The following AGBL4 variants were observed in gnomAD, a reference collection of about 807,000 sequenced individuals.
AGBL4 encodes cytosolic carboxypeptidase 6.
AGBL4 carries 58 observed loss-of-function variants against 66.4 expected under a neutral mutation model. The ratio of observed to expected loss-of-function variants is 0.87; its 90% CI spans 0.71 to 1.09. The LOEUF (loss-of-function observed/expected upper bound fraction) is 1.09, where lower values mean the gene tolerates loss of function less well. Among genes scored for constraint, AGBL4 ranks in the 50% least tolerant of loss-of-function variants. The pLI is 0.00. For synonymous variants in AGBL4, 234 were observed against 222.9 expected, an observed-to-expected ratio of 1.05 and a Z score of -0.44; for missense variants, 579 against 631.0, an observed-to-expected ratio of 0.92 and a Z score of 0.88.
intron 6 of AGBL4, among the ~76,000 whole-genome samples, chr1:48,755,688 C>A (rs1280710468): frequency 6.6e-6 from 1 of 152,128 alleles, no homozygotes; most frequent in Non-Finnish European, 1.5e-5. Context: ...AAGGGGATAT[C>A]TTACCAGACT....
chr1:48,692,655 T>C, intron 6 of AGBL4, among the ~76,000 whole-genome samples: 1 of 152,202 alleles, frequency 6.6e-6, no homozygotes, highest in South Asian at 2.1e-4. Context: ...TCAGCTTCAG[T>C]CAGCTTGTCT....
chr1:49,602,147 C>A (rs575039263), intron 3 of AGBL4, among the ~76,000 whole-genome samples: 1 of 152,206 alleles, frequency 6.6e-6, no homozygotes, highest in Admixed American at 6.5e-5. Flanking sequence ...CAATGAGATA[C>A]CATCTCATGC....
chr1:49,193,521 G>C (rs1181887534), intron 4 of AGBL4, among the ~76,000 whole-genome samples: 1 of 150,540 alleles, frequency 6.6e-6, no homozygotes, highest in Non-Finnish European at 1.5e-5. Flanking sequence ...AGTTCTTCTT[G>C]GTATTGATTT....
chr1:49,046,906 C>G (rs1410386664), intron 4 of AGBL4, among the ~76,000 whole-genome samples: 1 of 152,112 alleles, frequency 6.6e-6, no homozygotes, highest in East Asian at 1.9e-4. Flanking sequence ...AGTGGCTTGG[C>G]ATTCAATTGA....
chr1:49,159,893 G>C (rs181075988), intron 4 of AGBL4, among the ~76,000 whole-genome samples: 2 of 152,228 alleles, frequency 1.3e-5, no homozygotes, highest in Admixed American at 1.3e-4. Context: ...AAGTTATCAT[G>C]CTGTGTTTTT....
chr1:49,181,082 G>A, intron 4 of AGBL4, among the ~76,000 whole-genome samples: 1 of 152,106 alleles, frequency 6.6e-6, no homozygotes, highest in Non-Finnish European at 1.5e-5. Flanking sequence ...AGTCATGGTG[G>A]AGGCAGGGAG....
chr1:49,916,691 C>T (rs1170637462), intron 1 of AGBL4, among the ~76,000 whole-genome samples: 2 of 152,186 alleles, frequency 1.3e-5, no homozygotes, highest in Non-Finnish European at 2.9e-5. Context: ...CTTCCCCAAC[C>T]TAGCAAGGCA....
At chr1:49,854,827 G>A (rs558696327) in intron 1 of AGBL4, among the ~76,000 whole-genome samples, 2 of 152,188 alleles carry the variant, frequency 1.3e-5, no homozygotes, top group African/African-American at 4.8e-5. Flanking sequence ...ACAGTTCCCA[G>A]AGCCTGAAAA....
At chr1:48,898,948 C>G (rs1651811648) in intron 5 of AGBL4, among the ~76,000 whole-genome samples, 1 of 152,224 alleles carries the variant, frequency 6.6e-6, no homozygotes, top group African/African-American at 2.4e-5. Flanking sequence ...AGGGAGCGCC[C>G]ATGGTACCTC....
chr1:48,764,989 C>T (rs1190007000), intron 6 of AGBL4, among the ~76,000 whole-genome samples: 1 of 152,158 alleles, frequency 6.6e-6, no homozygotes. Flanking sequence ...ATTCCCCCAC[C>T]AGCTATACTC....
chr1:49,961,263 CT>C (rs1657098483), intron 1 of AGBL4, among the ~76,000 whole-genome samples: 1 of 152,062 alleles, frequency 6.6e-6, no homozygotes, highest in Non-Finnish European at 1.5e-5. Context: ...ATTCCCAGCA[CT>C]TTGGGAGGCT....
At chr1:48,614,905 G>A (rs1645294655) in intron 9 of AGBL4, among the ~76,000 whole-genome samples, 1 of 152,102 alleles carries the variant, frequency 6.6e-6, no homozygotes, top group Admixed American at 6.5e-5. Context: ...GGGATGATAT[G>A]GTTATTCTTA....
chr1:49,361,207 A>T (rs1375515391), intron 3 of AGBL4, among the ~76,000 whole-genome samples: 1 of 152,212 alleles, frequency 6.6e-6, no homozygotes, highest in Non-Finnish European at 1.5e-5. Context: ...ATAAACATTT[A>T]TTGCAATGAT....
At chr1:49,714,120 A>T (rs1378304267) in intron 2 of AGBL4, among the ~76,000 whole-genome samples, 1 of 152,128 alleles carries the variant, frequency 6.6e-6, no homozygotes, top group South Asian at 2.1e-4. Context: ...ATACTGAGAG[A>T]TTAAATAATT....
intron 2 of AGBL4, among the ~76,000 whole-genome samples, chr1:49,797,624 A>T (rs1361408353): frequency 6.6e-6 from 1 of 152,060 alleles, no homozygotes; most frequent in Non-Finnish European, 1.5e-5. Flanking sequence ...TTTTGTAGGG[A>T]TGAGACCTTA....
chr1:48,555,295 A>C (rs1270337338), intron 11 of AGBL4, among the ~76,000 whole-genome samples: 5 of 152,166 alleles, frequency 3.3e-5, no homozygotes, highest in Non-Finnish European at 5.9e-5. Flanking sequence ...ATACAATTGC[A>C]TACAACGACA....
chr1:49,845,411 A>G, intron 2 of AGBL4: 2 of 1,392,208 alleles, frequency 1.4e-6, no homozygotes, highest in East Asian at 2.3e-5. Flanking sequence ...AAGAAGCCCT[A>G]TGAGTGCAAC....
chr1:48,597,328 T>C (rs1645008400), intron 9 of AGBL4, among the ~76,000 whole-genome samples: 1 of 152,242 alleles, frequency 6.6e-6, no homozygotes, highest in South Asian at 2.1e-4. Flanking sequence ...ACAGATAAGA[T>C]TCCTGCCTTT....
chr1:49,024,535 C>T (rs368023850), intron 5 of AGBL4, among the ~76,000 whole-genome samples: 3 of 152,104 alleles, frequency 2.0e-5, no homozygotes, highest in Non-Finnish European at 4.4e-5. Context: ...GGACAAGTTA[C>T]TTAACCTTTC....
Sources: gnomAD v4.1 joint callset for allele counts (sites outside exome capture counted in the v4.1 genomes callset) on GRCh38, gnomAD v4.1.1 for gene constraint, MANE v1.5 for transcripts, NCBI Gene and HGNC (gene_info 2026-07-23, HGNC 2026-07-21) for gene names.